The following SHISA8 variants were observed in gnomAD, a reference collection of about 807,000 sequenced individuals.
SHISA8 encodes protein shisa-8.
A neutral mutation model predicts 21.1 loss-of-function variants in SHISA8; 21 were observed. The observed-to-expected ratio is 0.99, with a 90% CI of 0.71 to 1.43. SHISA8 has a LOEUF of 1.43. SHISA8 is among the 40% of genes most tolerant of loss of function. SHISA8 has a pLI of 0.00. For synonymous variants in SHISA8, 300 were observed against 291.4 expected (o/e 1.03, Z -0.30); for missense variants, 535 against 599.1 (o/e 0.89, Z 1.12).
Position 41,914,775 on chromosome 22 carries a change from C to T in SHISA8, c.-108G>A. 1.2e-6 allele frequency: 1 copy of T among 860,508 alleles called. No individual in the cohort carries two copies. Among genetic ancestry groups the T allele is most frequent in the Non-Finnish European group, 1.4e-6 (1 of 715,304 alleles). The allele number at this position is 860,508 out of a possible 1,614,324, so 53.3% of individuals were successfully genotyped here. The stretch of plus-strand genomic sequence containing the variant: ...GGATCGCGCTGGCTCCCGGCGCACG[C>T]CGCCTCGGCCGTCGGCCTCCTCTGG... On this transcript the variant is annotated 5_prime_UTR_variant, in exon 1 of 4. Transcript: ENST00000621082. This position sits in a 1 kb window ranked among gnomAD's most constrained non-coding sequence, Gnocchi z 6.8.
rs1431760866 is a variant in SHISA8 at position 41,910,268 on chromosome 22, C to A, written c.812-121G>T. 8.1e-7 allele frequency: 1 copy of A among 1,227,536 alleles called. No homozygotes were observed. The highest frequency in any genetic ancestry group is 1.6e-5 in the African/African-American group (1 of 63,710). 76.0% of individuals were successfully genotyped at this position (1,227,536 alleles called of 1,614,324 possible). A position where few individuals can be genotyped will look rare whatever the true frequency, so the allele number is the denominator to read the frequency against. On this transcript the variant is annotated intron_variant, in intron 3 of 3. Transcript: ENST00000621082. This position sits in a 1 kb window ranked among gnomAD's most constrained non-coding sequence, Gnocchi z 6.8. ...GCCGGGGCGGGCCGGGGGCGGGGCC[C>A]GCTGGGGCGAGGGAGCCGATTGGCC...
rs1193647757 is a variant in SHISA8, at chr22:41,910,610, G to A, written c.665-56C>T. The A allele has an allele frequency of 8.2e-7, 1 of 1,214,792 alleles. No homozygotes were observed. Among genetic ancestry groups the A allele is most frequent in the Non-Finnish European group, 1.0e-6 (1 of 976,402 alleles). 75.3% of individuals were successfully genotyped at this position (1,214,792 alleles called of 1,614,324 possible). Reference sequence around the variant, plus strand: ...CGATGCCCCGGTTCACTCCGCCCTCGCTGTCACCTCTCCGTAGTCCTCTCC... The same window carrying A: ...CGATGCCCCGGTTCACTCCGCCCTCACTGTCACCTCTCCGTAGTCCTCTCC... On this transcript the variant is annotated intron_variant, in intron 2 of 3. Transcript: ENST00000621082. The surrounding 1 kb of genome is among the most constrained non-coding windows in gnomAD (Gnocchi z 6.8).
At chr22:41,911,409 G>C in intron 1 of SHISA8, 60 bp from the exon 2 acceptor site, 1 of 1,234,560 alleles carries the variant, frequency 8.1e-7, no homozygotes, top group Non-Finnish European at 1.0e-6. Context: ...AGCCAGCCCC[G>C]GCCACCACCG....
chr22:41,910,786 T>C lies in SHISA8; in HGVS notation c.665-232A>G, dbSNP rs1283706126. Among the ~76,000 whole-genome samples, 2 of 152,016 alleles carry C rather than the reference T, an allele frequency of 1.3e-5. No homozygotes were observed. The highest frequency in any genetic ancestry group is 3.4e-3 in the Middle Eastern group (1 of 292). On this transcript the variant is annotated intron_variant, in intron 2 of 3. Coordinates refer to ENST00000621082, the MANE Select transcript of SHISA8 (RefSeq NM_001207020.3). This position sits in a 1 kb window ranked among gnomAD's most constrained non-coding sequence, Gnocchi z 6.8. ...GCAGCCAGCCCGGGGGGTGCCACCC[T>C]CATGAACGGCTCGCCCGGAGGCGAC... is the stretch of plus-strand genomic sequence containing the variant.
chr22:41,912,362 C>T (rs2077558298), intron 1 of SHISA8, among the ~76,000 whole-genome samples: 2 of 152,238 alleles, frequency 1.3e-5, no homozygotes, highest in Non-Finnish European at 2.9e-5. Flanking sequence ...GAAGGTCATT[C>T]AGGAGGCAGG....
Position 41,910,327 on chromosome 22 carries a change from CT to C in SHISA8, c.811+80del. 4 of 1,253,338 alleles carry C rather than the reference CT, an allele frequency of 3.2e-6. No individual in the cohort carries two copies. The highest frequency in any genetic ancestry group is 4.0e-6 in the Non-Finnish European group (4 of 998,328). 77.6% of individuals were successfully genotyped at this position (1,253,338 alleles called of 1,614,324 possible). A position where few individuals can be genotyped will look rare whatever the true frequency, so the allele number is the denominator to read the frequency against. ...GGCGCGCGGAACTGGGAATTTGGCG[CT>C]TGGAGCTGCGGCCCCGCGCTTCGCA... On this transcript the variant is annotated intron_variant, in intron 3 of 3. Transcript: ENST00000621082. The surrounding 1 kb of genome is among the most constrained non-coding windows in gnomAD (Gnocchi z 6.8).
At position 41,914,273 on chromosome 22, in the gene SHISA8, T is replaced by A; in HGVS notation, c.395A>T (p.Asp132Val). 7.8e-7 allele frequency: 1 copy of A among 1,279,320 alleles called. No homozygotes were observed. The highest frequency in any genetic ancestry group is 9.8e-7 in the Non-Finnish European group (1 of 1,018,106). The allele number at this position is 1,279,320 out of a possible 1,614,324, so 79.2% of individuals were successfully genotyped here. Residue 132 changes from aspartate (D) to valine (V), a missense_variant, in exon 1 of 4, where the codon GAC (aspartate) becomes GTC (valine). Transcript: ENST00000621082. The surrounding 1 kb of genome is among the most constrained non-coding windows in gnomAD (Gnocchi z 6.8). ...ARARDTAAPR[D>V]PGRERSHTAV... ...CGTATGGCTGCGCTCGCGGCCGGGG[T>A]CCCGGGGCGCTGCGGTGTCGCGGGC...
At position 41,910,292 on chromosome 22, in the gene SHISA8, C is replaced by T. The variant is rs1050415772; in HGVS notation, c.811+116G>A. 1 of 1,234,348 alleles carries T rather than the reference C, an allele frequency of 8.1e-7. No homozygotes were observed. Among genetic ancestry groups the T allele is most frequent in the Non-Finnish European group, 1.0e-6 (1 of 987,544 alleles). The allele number at this position is 1,234,348 out of a possible 1,614,324, so 76.5% of individuals were successfully genotyped here. A position where few individuals can be genotyped will look rare whatever the true frequency, so the allele number is the denominator to read the frequency against. Reference sequence around the variant, plus strand: ...CCGCTGGGGCGAGGGAGCCGATTGGCCGAGCGGCGGGCGCGCGGAACTGGG... The same window carrying T: ...CCGCTGGGGCGAGGGAGCCGATTGGTCGAGCGGCGGGCGCGCGGAACTGGG... On this transcript the variant is annotated intron_variant, in intron 3 of 3. Coordinates refer to ENST00000621082, the MANE Select transcript of SHISA8 (RefSeq NM_001207020.3). The surrounding 1 kb of genome is among the most constrained non-coding windows in gnomAD (Gnocchi z 6.8).
At chr22:41,912,937 G>A (rs1001144427) in intron 1 of SHISA8, among the ~76,000 whole-genome samples, 15 of 152,104 alleles carry the variant, frequency 9.9e-5, no homozygotes, top group African/African-American at 2.4e-4. Context: ...CTTTTTCCCC[G>A]CCCCTGTCAA....
Position 41,909,554 on chromosome 22 carries a change from C to T in SHISA8, c.*211G>A. 1 of 569,856 alleles carries T rather than the reference C, an allele frequency of 1.8e-6. No individual in the cohort carries two copies. Among genetic ancestry groups the T allele is most frequent in the Non-Finnish European group, 2.7e-6 (1 of 376,318 alleles). 35.3% of individuals were successfully genotyped at this position (569,856 alleles called of 1,614,324 possible). A position where few individuals can be genotyped will look rare whatever the true frequency, so the allele number is the denominator to read the frequency against. ...TCAGTGACCAATGGTGCCTCGCAGC[C>T]ACGCTGGGGCTTCTTTATTCTCAGG... On this transcript the variant is annotated 3_prime_UTR_variant, in exon 4 of 4. Coordinates refer to ENST00000621082, the MANE Select transcript of SHISA8 (RefSeq NM_001207020.3).
intron 1 of SHISA8, 61 bp from the exon 2 acceptor site, chr22:41,911,410 G>T: frequency 8.1e-7 from 1 of 1,234,460 alleles, no homozygotes; most frequent in Non-Finnish European, 1.0e-6. Context: ...GCCAGCCCCG[G>T]CCACCACCGT....
Position 41,915,039 on chromosome 22 carries a change from A to G in SHISA8, c.-372T>C, listed in dbSNP as rs1056680069. Among the ~76,000 whole-genome samples the G allele has an allele frequency of 3.3e-5, 5 of 151,248 alleles. No individual in the cohort carries two copies. The highest frequency in any genetic ancestry group is 6.6e-5 in the Admixed American group (1 of 15,236). ...GGGCCGCGGGCCGCCCGACTGCGCTACCTTCCCGCCGCGCTCTCAGTACAG... is the reference window on the plus strand; with the variant it reads ...GGGCCGCGGGCCGCCCGACTGCGCTGCCTTCCCGCCGCGCTCTCAGTACAG... On this transcript the variant is annotated 5_prime_UTR_variant, in exon 1 of 4. Transcript: ENST00000621082. The surrounding 1 kb of genome is among the most constrained non-coding windows in gnomAD (Gnocchi z 5.0).
rs1262616886 is a variant in SHISA8 at position 41,914,111 on chromosome 22, G to T, written c.530+27C>A. The T allele has an allele frequency of 5.1e-6, 7 of 1,383,874 alleles. No individual in the cohort carries two copies. Among genetic ancestry groups the T allele is most frequent in the Non-Finnish European group, 6.5e-6 (7 of 1,077,486 alleles). 85.7% of individuals were successfully genotyped at this position (1,383,874 alleles called of 1,614,324 possible). ...AGGGAGAGCAGTCCGAGGAGCAGGC[G>T]GGGGTCCCTGGGCGGCGCGTGCTCA... On this transcript the variant is annotated intron_variant, in intron 1 of 3. Transcript: ENST00000621082. This position sits in a 1 kb window ranked among gnomAD's most constrained non-coding sequence, Gnocchi z 6.8.
chr22:41,909,746 A>T lies in SHISA8; in HGVS notation c.*19T>A. Reference sequence around the variant, plus strand: ...AGACAGGACCCCAGCCCATGCCTCGAGGGCACCGCGGCCCCGCTTCACACG... The same window carrying T: ...AGACAGGACCCCAGCCCATGCCTCGTGGGCACCGCGGCCCCGCTTCACACG... On this transcript the variant is annotated 3_prime_UTR_variant, in exon 4 of 4. Coordinates refer to ENST00000621082, the MANE Select transcript of SHISA8 (RefSeq NM_001207020.3). 7.0e-7 allele frequency: 1 copy of T among 1,428,846 alleles called. No individual in the cohort carries two copies. Among genetic ancestry groups the T allele is most frequent in the Admixed American group, 2.5e-5 (1 of 39,500 alleles). The allele number at this position is 1,428,846 out of a possible 1,614,324, so 88.5% of individuals were successfully genotyped here. A position where few individuals can be genotyped will look rare whatever the true frequency, so the allele number is the denominator to read the frequency against.
intron 1 of SHISA8, among the ~76,000 whole-genome samples, chr22:41,912,250 CAG>C (rs2077557702): frequency 6.6e-6 from 1 of 152,256 alleles, no homozygotes; most frequent in African/African-American, 2.4e-5. Flanking sequence ...TGTGATGTGA[CAG>C]TGTCTGCAGC....
chr22:41,909,821 C>G lies in SHISA8; in HGVS notation c.1138G>C (p.Ala380Pro). Residue 380 changes from alanine to proline, a missense_variant, in exon 4 of 4, where the codon GCG becomes CCG. Coordinates refer to ENST00000621082, the MANE Select transcript of SHISA8 (RefSeq NM_001207020.3). ...CTTAGGTACCGGGACCCGCGGCCCG[C>G]GCTGCCGTAAAGGCCGGGGAGCTGC... Reference protein sequence around the residue: ...NPQLPGLYGSAGRGSRYLRTN... With the variant: ...NPQLPGLYGSPGRGSRYLRTN... The G allele has an allele frequency of 6.6e-7, 1 of 1,520,040 alleles. No individual in the cohort carries two copies. The highest frequency in any genetic ancestry group is 8.8e-7 in the Non-Finnish European group (1 of 1,139,688). The allele number at this position is 1,520,040 out of a possible 1,614,324, so 94.2% of individuals were successfully genotyped here.
chr22:41,910,698 T>A lies in SHISA8; in HGVS notation c.665-144A>T. On this transcript the variant is annotated intron_variant, in intron 2 of 3. Coordinates refer to ENST00000621082, the MANE Select transcript of SHISA8 (RefSeq NM_001207020.3). This position sits in a 1 kb window ranked among gnomAD's most constrained non-coding sequence, Gnocchi z 6.8. Reference sequence around the variant, plus strand: ...CGGGCGAGGCTGCGAGCCAAGCCTGTCTTCGCCGCAGCCTCCAGCGCCTGG... The same window carrying A: ...CGGGCGAGGCTGCGAGCCAAGCCTGACTTCGCCGCAGCCTCCAGCGCCTGG... 9.6e-7 allele frequency: 1 copy of A among 1,041,772 alleles called. No individual in the cohort carries two copies. The highest frequency in any genetic ancestry group is 1.2e-6 in the Non-Finnish European group (1 of 822,912). 64.5% of individuals were successfully genotyped at this position (1,041,772 alleles called of 1,614,324 possible).
At position 41,910,544 on chromosome 22, in the gene SHISA8, G is replaced by T; in HGVS notation, c.675C>A (p.Arg225=). The part of the protein sequence containing the change: ...GSPHNSADKK[R]LNNAPRGSAA... ...CCGACCCCCGGGGCGCGTTGTTGAG[G>T]CGCTTCTTGTCTGGAGCGAGGAGTG... Residue 225 remains arginine (R), a synonymous_variant, in exon 3 of 4, where the codon CGC becomes CGA. Transcript: ENST00000621082. This position sits in a 1 kb window ranked among gnomAD's most constrained non-coding sequence, Gnocchi z 6.8. 8.1e-7 allele frequency: 1 copy of T among 1,238,734 alleles called. No individual in the cohort carries two copies. The highest frequency in any genetic ancestry group is 1.0e-6 in the Non-Finnish European group (1 of 993,530). The allele number at this position is 1,238,734 out of a possible 1,614,324, so 76.7% of individuals were successfully genotyped here. A position where few individuals can be genotyped will look rare whatever the true frequency, so the allele number is the denominator to read the frequency against.
At position 41,909,808 on chromosome 22, in the gene SHISA8, G is replaced by T; in HGVS notation, c.1151C>A (p.Ser384Tyr). The change falls in exon 4 of 4, where the codon TCC (serine) becomes TAC (tyrosine). Residue 384 changes from serine to tyrosine, a missense_variant. Transcript: ENST00000621082. The part of the protein sequence containing the change: ...PGLYGSAGRG[S>Y]RYLRTNSKTE... ...CTTGCTATTGGTCCTTAGGTACCGG[G>T]ACCCGCGGCCCGCGCTGCCGTAAAG... 2.0e-6 allele frequency: 3 copies of T among 1,515,702 alleles called. No individual in the cohort carries two copies. The highest frequency in any genetic ancestry group is 2.6e-6 in the Non-Finnish European group (3 of 1,137,684). The allele number at this position is 1,515,702 out of a possible 1,614,324, so 93.9% of individuals were successfully genotyped here. A position where few individuals can be genotyped will look rare whatever the true frequency, so the allele number is the denominator to read the frequency against.
Sources: allele counts gnomAD v4.1 joint callset (sites outside exome capture counted in the v4.1 genomes callset), GRCh38; gene constraint gnomAD v4.1.1; non-coding constraint Gnocchi (gnomAD v3.1); transcripts MANE v1.5; gene names NCBI Gene and HGNC (gene_info 2026-07-23, HGNC 2026-07-21).